XPO4: variants seen among roughly 807,000 people sequenced by gnomAD.
The protein encoded by XPO4 is exportin 4.
A neutral mutation model predicts 143.0 loss-of-function variants in XPO4; 39 were observed. The ratio of observed to expected loss-of-function variants is 0.27; its 90% CI spans 0.21 to 0.36. XPO4 has a LOEUF of 0.36. Ranked by LOEUF, XPO4 falls within the 10% of genes least tolerant of loss-of-function variation. XPO4 has a pLI of 1.00. For synonymous variants in XPO4, 439 were observed against 474.0 expected (o/e 0.93, Z 0.96); for missense variants, 907 against 1,348.0 (o/e 0.67, Z 5.12).
chr13:20,835,842 C>T (rs2059909246), intron 6 of XPO4, among the ~76,000 whole-genome samples: 1 of 151,944 alleles, frequency 6.6e-6, no homozygotes, highest in Non-Finnish European at 1.5e-5. Context: ...AGACCAACCC[C>T]TCCTCTTCCT....
At chr13:20,869,315 C>A (rs1474426944) in intron 1 of XPO4, among the ~76,000 whole-genome samples, 1 of 152,112 alleles carries the variant, frequency 6.6e-6, no homozygotes, top group Non-Finnish European at 1.5e-5. Context: ...TAAAGTCTGA[C>A]CAAGTTTTTA....
intron 9 of XPO4, among the ~76,000 whole-genome samples, chr13:20,813,715 T>C (rs1442750875): frequency 6.6e-6 from 1 of 152,154 alleles, no homozygotes; most frequent in Non-Finnish European, 1.5e-5. Context: ...CCCAGCACTT[T>C]GGAAGGCTGA....
intron 18 of XPO4, among the ~76,000 whole-genome samples, 193 bp from the exon 19 acceptor site, chr13:20,790,773 A>G (rs2059269572): frequency 6.6e-6 from 1 of 152,176 alleles, no homozygotes; most frequent in Non-Finnish European, 1.5e-5. Context: ...GGGGTGAAAA[A>G]AAGATCTGAG....
At position 20,779,981 on chromosome 13, in the gene XPO4, C is replaced by T. The variant is rs2059122387; in HGVS notation, c.*3741G>A. ...TGCAGTGTTTTCAGAACATAGTTAC[C>T]AAGTCAGAGAATAACCACTTATATT... On this transcript the variant is annotated 3_prime_UTR_variant, in exon 23 of 23. Coordinates refer to ENST00000255305, the MANE Select transcript of XPO4 (RefSeq NM_022459.5). 6.6e-6 allele frequency: 1 copy of T among 152,060 alleles called. No individual in the cohort carries two copies. Among genetic ancestry groups the T allele is most frequent in the Non-Finnish European group, 1.5e-5 (1 of 67,998 alleles). The allele number at this position is 152,060 out of a possible 1,614,324, so 9.4% of individuals were successfully genotyped here.
At chr13:20,822,435 T>C (rs1386074436) in intron 7 of XPO4, 146 bp from the exon 8 acceptor site, 1 of 723,434 alleles carries the variant, frequency 1.4e-6, no homozygotes, top group Non-Finnish European at 2.2e-6. Flanking sequence ...AAATTGAAAA[T>C]TGTCCCTCAG....
chr13:20,829,193 A>T (rs904852475), intron 6 of XPO4, among the ~76,000 whole-genome samples: 1 of 152,158 alleles, frequency 6.6e-6, no homozygotes, highest in Admixed American at 6.6e-5. Flanking sequence ...CCTGAGCTCA[A>T]GTGATCCTCC....
At chr13:20,838,475 T>C (rs940823592) in intron 6 of XPO4, among the ~76,000 whole-genome samples, 3 of 151,750 alleles carry the variant, frequency 2.0e-5, no homozygotes, top group Non-Finnish European at 4.4e-5. Flanking sequence ...CCAGGCGTGG[T>C]GGCGGGCACC....
intron 3 of XPO4, among the ~76,000 whole-genome samples, chr13:20,858,918 G>A (rs1426085189): frequency 8.5e-5 from 3 of 35,268 alleles, no homozygotes; most frequent in African/African-American, 3.0e-4. Flanking sequence ...ATATATGTGT[G>A]TGTGTATATA....
intron 2 of XPO4, among the ~76,000 whole-genome samples, chr13:20,868,101 C>T (rs537538725): frequency 6.6e-6 from 1 of 151,242 alleles, no homozygotes; most frequent in South Asian, 2.1e-4. Flanking sequence ...TTTTAGGATA[C>T]ATACAGTGAT....
At chr13:20,902,507 T>C (rs748358071) in intron 1 of XPO4, 163 bp downstream of exon 1, 134 of 985,172 alleles carry the variant, frequency 1.4e-4, no homozygotes, top group Non-Finnish European at 1.6e-4. Context: ...AGGAGGAAAG[T>C]AGGCTGAAGA....
chr13:20,868,775 C>G, intron 1 of XPO4, 74 bp from the exon 2 acceptor site: 1 of 1,420,088 alleles, frequency 7.0e-7, no homozygotes. Flanking sequence ...TTTTTACCCA[C>G]AAGAACAGAA....
chr13:20,868,731 C>T, intron 1 of XPO4, 30 bp from the exon 2 acceptor site: 3 of 1,584,456 alleles, frequency 1.9e-6, no homozygotes, highest in East Asian at 2.3e-5. Flanking sequence ...AACAGATACA[C>T]TTATCTAATG....
intron 9 of XPO4, among the ~76,000 whole-genome samples, chr13:20,815,658 A>T (rs1451132795): frequency 2.0e-5 from 3 of 152,222 alleles, no homozygotes; most frequent in African/African-American, 7.2e-5. Context: ...GATTATCTTC[A>T]TATGTAAACA....
At chr13:20,902,230 G>C (rs1595179030) in intron 1 of XPO4, 1 of 985,240 alleles carries the variant, frequency 1.0e-6, no homozygotes, top group Non-Finnish European at 1.2e-6. Flanking sequence ...AGGAAACAAG[G>C]GTTGCTAACA....
chr13:20,895,226 G>C (rs2060557042), intron 1 of XPO4, among the ~76,000 whole-genome samples: 1 of 151,972 alleles, frequency 6.6e-6, no homozygotes, highest in African/African-American at 2.4e-5. Context: ...TACTAAAACG[G>C]AGTATTAATT....
intron 6 of XPO4, among the ~76,000 whole-genome samples, chr13:20,837,991 C>T (rs2059935477): frequency 6.6e-6 from 1 of 152,070 alleles, no homozygotes; most frequent in Admixed American, 6.5e-5. Context: ...GTTGCCCAGG[C>T]TAGTCTCAAA....
At chr13:20,792,075 A>T (rs1410264178) in intron 18 of XPO4, among the ~76,000 whole-genome samples, 4 of 152,232 alleles carry the variant, frequency 2.6e-5, no homozygotes. Flanking sequence ...CAGAGCCGGC[A>T]AAGGCTGACC....
In XPO4 at chr13:20,833,705, T is replaced by TC. The variant is rs1555337322; in HGVS notation, c.728-6527_728-6526insG. Reference sequence around the variant, plus strand: ...AGGGAGCCAAATGGGGAAAAAATCATATACAACATGCATAGGGAGAAAATA... The same window carrying TC: ...AGGGAGCCAAATGGGGAAAAAATCATCATACAACATGCATAGGGAGAAAATA... On this transcript the variant is annotated intron_variant, in intron 6 of 22. Transcript: ENST00000255305. Among the ~76,000 whole-genome samples, 9 of 151,956 alleles carry TC rather than the reference T, an allele frequency of 5.9e-5. 1 individual carries two copies. Among genetic ancestry groups the TC allele is most frequent in the Non-Finnish European group, 5.9e-5 (4 of 68,010 alleles).
chr13:20,890,351 G>A (rs11839796), intron 1 of XPO4, among the ~76,000 whole-genome samples: 8,677 of 152,040 alleles, frequency 0.057, 624 homozygotes, highest in African/African-American at 0.17. Context: ...CTGGGAGGCT[G>A]AGGTGGGAGG....
Sources: gnomAD v4.1 joint callset for allele counts (sites outside exome capture counted in the v4.1 genomes callset) on GRCh38, gnomAD v4.1.1 for gene constraint, MANE v1.5 for transcripts, NCBI Gene and HGNC (gene_info 2026-07-23, HGNC 2026-07-21) for gene names.